NRXN1: variants seen among roughly 807,000 people sequenced by gnomAD.
The protein encoded by NRXN1 is neurexin 1.
In NRXN1, 39 loss-of-function variants were observed where a neutral mutation model predicts 150.9. The ratio of observed to expected loss-of-function variants is 0.26; its 90% CI spans 0.20 to 0.34. The LOEUF (loss-of-function observed/expected upper bound fraction) is 0.34, where lower values mean the gene tolerates loss of function less well. NRXN1 is among the 10% of genes least tolerant of loss of function. The pLI is 1.00. For synonymous variants in NRXN1, 924 were observed against 757.0 expected, an observed-to-expected ratio of 1.22 and a Z score of -3.62; for missense variants, 1,815 against 1,949.9, an observed-to-expected ratio of 0.93 and a Z score of 1.30.
chr2:50,498,997 C>A (rs978654130), intron 13 of NRXN1, among the ~76,000 whole-genome samples: 1 of 152,152 alleles, frequency 6.6e-6, no homozygotes, highest in Non-Finnish European at 1.5e-5. Context: ...GAACCTTTTC[C>A]CCAGGGGTAA....
At chr2:50,764,161 CCTCT>C (rs1702134079) in intron 5 of NRXN1, among the ~76,000 whole-genome samples, 1 of 151,790 alleles carries the variant, frequency 6.6e-6, no homozygotes, top group South Asian at 2.1e-4. Context: ...AACATATCCC[CCTCT>C]CTATCATATA....
chr2:50,624,017 G>A (rs1214682965), intron 5 of NRXN1, among the ~76,000 whole-genome samples: 1 of 151,884 alleles, frequency 6.6e-6, no homozygotes, highest in Non-Finnish European at 1.5e-5. Context: ...TCCCACCTAT[G>A]AGTGAGAACA....
intron 17 of NRXN1, among the ~76,000 whole-genome samples, chr2:50,307,421 A>G (rs945706357): frequency 2.0e-5 from 3 of 152,212 alleles, no homozygotes; most frequent in African/African-American, 7.2e-5. Context: ...AAAGCCTGAA[A>G]AGCAATTTAA....
At chr2:50,184,677 G>C (rs933964190) in intron 18 of NRXN1, among the ~76,000 whole-genome samples, 5 of 151,446 alleles carry the variant, frequency 3.3e-5, no homozygotes, top group African/African-American at 1.2e-4. Flanking sequence ...TTTCATTTGA[G>C]CCTCCAGAGT....
At chr2:49,986,932 G>A (rs917535110) in intron 21 of NRXN1, among the ~76,000 whole-genome samples, 1 of 152,020 alleles carries the variant, frequency 6.6e-6, no homozygotes, top group East Asian at 1.9e-4. Flanking sequence ...AGGTGGGGTG[G>A]TGCACACCTG....
chr2:51,020,805 T>A (rs913384507), intron 2 of NRXN1, among the ~76,000 whole-genome samples: 4 of 152,016 alleles, frequency 2.6e-5, no homozygotes, highest in African/African-American at 9.7e-5. Context: ...CAAACCATGT[T>A]CTGTTTACAC....
At chr2:50,663,134 A>G (rs926544451) in intron 5 of NRXN1, among the ~76,000 whole-genome samples, 4 of 152,046 alleles carry the variant, frequency 2.6e-5, no homozygotes, top group Non-Finnish European at 4.4e-5. Flanking sequence ...AGTGTTTCCC[A>G]GGGCTATTGT....
At chr2:50,422,950 T>C (rs966899947) in intron 17 of NRXN1, among the ~76,000 whole-genome samples, 10 of 152,148 alleles carry the variant, frequency 6.6e-5, no homozygotes, top group African/African-American at 2.4e-4. Flanking sequence ...TCCTCAAATA[T>C]CACTTTTAAC....
chr2:50,587,056 C>G (rs1673241274), intron 8 of NRXN1, among the ~76,000 whole-genome samples: 1 of 152,404 alleles, frequency 6.6e-6, no homozygotes, highest in South Asian at 2.1e-4. Flanking sequence ...CCAATGCAAT[C>G]TTGTCTCTAC....
intron 18 of NRXN1, among the ~76,000 whole-genome samples, chr2:50,099,645 C>T (rs1700733671): frequency 6.6e-6 from 1 of 152,020 alleles, no homozygotes; most frequent in African/African-American, 2.4e-5. Flanking sequence ...TTTAGCTTCA[C>T]CGTAGTTTGA....
At chr2:50,052,505 A>G (rs1692882350) in intron 21 of NRXN1, among the ~76,000 whole-genome samples, 1 of 152,156 alleles carries the variant, frequency 6.6e-6, no homozygotes, top group South Asian at 2.1e-4. Context: ...TGGAACACCA[A>G]TATTCAAACC....
At chr2:50,703,347 A>T (rs1168495392) in intron 5 of NRXN1, among the ~76,000 whole-genome samples, 1 of 152,162 alleles carries the variant, frequency 6.6e-6, no homozygotes, top group African/African-American at 2.4e-5. Context: ...GCAGTAACAG[A>T]TAAATGCAGA....
At chr2:50,398,772 T>C (rs1469010098) in intron 17 of NRXN1, among the ~76,000 whole-genome samples, 1 of 152,134 alleles carries the variant, frequency 6.6e-6, no homozygotes, top group Non-Finnish European at 1.5e-5. Context: ...GGCTTCCTCA[T>C]GTGTTTTCTA....
chr2:50,745,676 C>T (rs1699938366), intron 5 of NRXN1, among the ~76,000 whole-genome samples: 2 of 152,022 alleles, frequency 1.3e-5, no homozygotes, highest in Non-Finnish European at 1.5e-5. Context: ...CAATCATGGT[C>T]GAAGGGGAAG....
At chr2:50,230,288 C>A (rs570236368) in intron 18 of NRXN1, among the ~76,000 whole-genome samples, 1 of 151,920 alleles carries the variant, frequency 6.6e-6, no homozygotes, top group African/African-American at 2.4e-5. Flanking sequence ...TGACAAGAAG[C>A]TCATTTTTTA....
chr2:50,114,938 T>A (rs901020926), intron 18 of NRXN1, among the ~76,000 whole-genome samples: 1 of 151,818 alleles, frequency 6.6e-6, no homozygotes, highest in African/African-American at 2.4e-5. Context: ...TAATGGTTAG[T>A]ACTAGTCATT....
chr2:50,595,429 A>G (rs553650823), intron 8 of NRXN1, among the ~76,000 whole-genome samples: 45 of 151,566 alleles, frequency 3.0e-4, no homozygotes, highest in Non-Finnish European at 2.4e-4. Context: ...AAAGGAAAAA[A>G]AAAAAAAATA....
At chr2:50,739,297 T>A in intron 5 of NRXN1, 1 of 484,144 alleles carries the variant, frequency 2.1e-6, no homozygotes, top group South Asian at 1.5e-5. Flanking sequence ...AATATTGATT[T>A]CAACATACCT....
rs192097571 is a variant in NRXN1 at position 50,077,842 on chromosome 2, G to T, written c.3718+13481C>A. Among the ~76,000 whole-genome samples the T allele has an allele frequency of 3.4e-3, 514 of 152,108 alleles. 1 individual carries two copies. The highest frequency in any genetic ancestry group is 5.3e-3 in the Non-Finnish European group (358 of 67,926). ...TTAGGGCCACCAATATAGATAATAT[G>T]CCCAAGATGACAAATTACTTCAATA... On this transcript the variant is annotated intron_variant, in intron 19 of 22. Transcript: ENST00000401669.
Sources: gnomAD v4.1 joint callset for allele counts (sites outside exome capture counted in the v4.1 genomes callset) on GRCh38, gnomAD v4.1.1 for gene constraint, MANE v1.5 for transcripts, NCBI Gene and HGNC (gene_info 2026-07-23, HGNC 2026-07-21) for gene names.